Variants in PCDH9 observed in about 807,000 individuals in gnomAD.
The protein encoded by PCDH9 is protocadherin-9.
In PCDH9, 24 loss-of-function variants were observed where a neutral mutation model predicts 70.6. The ratio of observed to expected loss-of-function variants is 0.34; its 90% CI spans 0.25 to 0.48. The LOEUF (loss-of-function observed/expected upper bound fraction) is 0.48. Among genes scored for constraint, PCDH9 ranks in the 20% least tolerant of loss-of-function variants. The pLI, the probability that PCDH9 is intolerant of heterozygous loss-of-function variation, is 0.99. For missense variants in PCDH9, 1,281 were observed against 1,503.6 expected, an observed-to-expected ratio of 0.85 and a Z score of 2.45; for synonymous variants, 562 against 558.5, an observed-to-expected ratio of 1.01 and a Z score of -0.09.
intron 4 of PCDH9, among the ~76,000 whole-genome samples, chr13:66,485,020 C>T (rs1283536870): frequency 6.6e-6 from 1 of 152,144 alleles, no homozygotes; most frequent in Non-Finnish European, 1.5e-5. Context: ...TATGTTTTCA[C>T]AAAATCAATT....
chr13:66,831,691 T>C (rs1423490498), intron 3 of PCDH9, among the ~76,000 whole-genome samples: 1 of 152,170 alleles, frequency 6.6e-6, no homozygotes, highest in Non-Finnish European at 1.5e-5. Context: ...AGCCTGTATA[T>C]TAAGATGTGT....
At chr13:66,760,189 G>C (rs1379289729) in intron 3 of PCDH9, among the ~76,000 whole-genome samples, 1 of 151,984 alleles carries the variant, frequency 6.6e-6, no homozygotes, top group Non-Finnish European at 1.5e-5. Flanking sequence ...CTTCTGCCCT[G>C]TAATGTTTCT....
At chr13:67,178,693 C>T (rs1190922549) in intron 2 of PCDH9, among the ~76,000 whole-genome samples, 2 of 152,044 alleles carry the variant, frequency 1.3e-5, no homozygotes, top group Admixed American at 1.3e-4. Context: ...ATCACCTTTC[C>T]CCTTTTCTTT....
intron 2 of PCDH9, among the ~76,000 whole-genome samples, chr13:67,141,723 G>A (rs2138359801): frequency 6.6e-6 from 1 of 150,888 alleles, no homozygotes; most frequent in South Asian, 2.1e-4. Context: ...ACAAGTGTGA[G>A]TTCCTGCGCC....
intron 2 of PCDH9, among the ~76,000 whole-genome samples, chr13:67,016,662 T>G (rs2084568038): frequency 6.6e-6 from 1 of 152,160 alleles, no homozygotes; most frequent in Non-Finnish European, 1.5e-5. Context: ...CCCCATATTC[T>G]CTCCAATAGT....
At chr13:66,852,062 C>G (rs2081323417) in intron 3 of PCDH9, among the ~76,000 whole-genome samples, 1 of 152,020 alleles carries the variant, frequency 6.6e-6, no homozygotes, top group South Asian at 2.1e-4. Context: ...TGGCTCTACC[C>G]TTATAACCTC....
intron 3 of PCDH9, among the ~76,000 whole-genome samples, chr13:66,692,311 G>T (rs1258871984): frequency 6.6e-6 from 1 of 151,990 alleles, no homozygotes; most frequent in Non-Finnish European, 1.5e-5. Context: ...AATAAAAAAA[G>T]CATTCCTTTA....
At chr13:66,374,855 G>A (rs1956720982) in intron 4 of PCDH9, among the ~76,000 whole-genome samples, 1 of 152,088 alleles carries the variant, frequency 6.6e-6, no homozygotes, top group East Asian at 1.9e-4. Context: ...ATTGAGGACA[G>A]ACTGGTCAGA....
At chr13:66,795,545 C>T (rs1279113338) in intron 3 of PCDH9, among the ~76,000 whole-genome samples, 2 of 152,038 alleles carry the variant, frequency 1.3e-5, no homozygotes, top group Non-Finnish European at 2.9e-5. Context: ...TACTTTCTCT[C>T]TTTATTGTTG....
chr13:66,613,381 A>G, intron 4 of PCDH9, among the ~76,000 whole-genome samples: 1 of 152,072 alleles, frequency 6.6e-6, no homozygotes, highest in Non-Finnish European at 1.5e-5. Flanking sequence ...CCTCTTCTCC[A>G]CCCAGTCAGC....
intron 4 of PCDH9, among the ~76,000 whole-genome samples, chr13:66,405,491 A>G (rs1006572254): frequency 2.0e-5 from 3 of 152,320 alleles, no homozygotes; most frequent in Non-Finnish European, 4.4e-5. Context: ...GAGAACATAA[A>G]GTGTTTTTAT....
At chr13:66,944,334 A>G (rs973017154) in intron 2 of PCDH9, among the ~76,000 whole-genome samples, 1 of 152,132 alleles carries the variant, frequency 6.6e-6, no homozygotes, top group Non-Finnish European at 1.5e-5. Context: ...AGTGTTCTCT[A>G]GTTTCTATAA....
intron 2 of PCDH9, among the ~76,000 whole-genome samples, chr13:67,006,209 A>T (rs1220318678): frequency 1.3e-5 from 2 of 152,044 alleles, no homozygotes; most frequent in Non-Finnish European, 2.9e-5. Context: ...CCTGGGCGAC[A>T]GAGAGAGACT....
At chr13:67,218,547 A>C (rs2089657527) in intron 2 of PCDH9, 1 of 152,082 alleles carries the variant, frequency 6.6e-6, no homozygotes, top group Non-Finnish European at 1.5e-5. Flanking sequence ...AGTGGTTATT[A>C]ACAAAGCAGT....
intron 2 of PCDH9, among the ~76,000 whole-genome samples, chr13:67,172,223 G>T (rs538324724): frequency 6.6e-6 from 1 of 151,950 alleles, no homozygotes; most frequent in Non-Finnish European, 1.5e-5. Flanking sequence ...TTGTTCTCAC[G>T]GCATCCCCTG....
At chr13:67,197,458 T>C (rs1237625082) in intron 2 of PCDH9, among the ~76,000 whole-genome samples, 1 of 152,034 alleles carries the variant, frequency 6.6e-6, no homozygotes, top group Non-Finnish European at 1.5e-5. Flanking sequence ...TTTCAAAGCA[T>C]ATTTATTAAG....
Position 66,826,860 on chromosome 13 carries a change from C to T in PCDH9, c.3138+76644G>A, listed in dbSNP as rs191357630. Among the ~76,000 whole-genome samples the T allele has an allele frequency of 8.8e-3, 1,334 of 152,146 alleles. 13 individuals are homozygous for T. The highest frequency in any genetic ancestry group is 0.014 in the Non-Finnish European group (969 of 67,990). On this transcript the variant is annotated intron_variant, in intron 3 of 4. Transcript: ENST00000377865. The stretch of plus-strand genomic sequence containing the variant: ...TTGGAGGCTGTAAAACCTTGATTTG[C>T]TAAAGAAACCAGCTTTGGTTTCAGC...
chr13:66,828,816 T>A (rs1453700802), intron 3 of PCDH9, among the ~76,000 whole-genome samples: 1 of 135,626 alleles, frequency 7.4e-6, no homozygotes, highest in African/African-American at 3.2e-5. Flanking sequence ...CATAAAATAA[T>A]AATAATAATA....
intron 4 of PCDH9, among the ~76,000 whole-genome samples, chr13:66,590,677 C>A (rs1251347788): frequency 6.6e-6 from 1 of 151,804 alleles, no homozygotes; most frequent in Non-Finnish European, 1.5e-5. Flanking sequence ...ATATTTATTG[C>A]ACAGGTATAG....
Sources: allele counts gnomAD v4.1 joint callset (sites outside exome capture counted in the v4.1 genomes callset), GRCh38; gene constraint gnomAD v4.1.1; transcripts MANE v1.5; gene names NCBI Gene and HGNC (gene_info 2026-07-23, HGNC 2026-07-21).